PRKG1: variants seen among roughly 807,000 people sequenced by gnomAD.
The protein encoded by PRKG1 is cGMP-dependent protein kinase 1.
In PRKG1, 35 loss-of-function variants were observed where a neutral mutation model predicts 88.1. That is an observed-to-expected ratio of 0.40 (90% CI 0.30 to 0.53). The LOEUF (loss-of-function observed/expected upper bound fraction) is 0.53. PRKG1 is among the 20% of genes least tolerant of loss of function. The probability of loss-of-function intolerance (pLI) is 0.59; values close to 1 mark genes in which losing one functional copy is unlikely to be tolerated. For synonymous variants in PRKG1, 303 were observed against 292.5 expected (o/e 1.04, Z -0.37); for missense variants, 540 against 839.8 (o/e 0.64, Z 4.41).
chr10:51,102,287 T>C (rs2339673), intron 1 of PRKG1, among the ~76,000 whole-genome samples: 76,451 of 152,054 alleles, frequency 0.5, 20,558 homozygotes, highest in East Asian at 0.71. Flanking sequence ...TGTTTAACAA[T>C]CAGCATGACA....
At chr10:52,053,562 T>G (rs181381379) in intron 5 of PRKG1, among the ~76,000 whole-genome samples, 4 of 152,308 alleles carry the variant, frequency 2.6e-5, no homozygotes, top group African/African-American at 9.6e-5. Flanking sequence ...TAGGGCCAGA[T>G]GGCACAGTTC....
intron 1 of PRKG1, among the ~76,000 whole-genome samples, chr10:51,150,035 A>T (rs910597053): frequency 6.6e-6 from 1 of 152,138 alleles, no homozygotes; most frequent in Non-Finnish European, 1.5e-5. Context: ...TTTGGGCATG[A>T]AAGAAAAAGA....
intron 2 of PRKG1, among the ~76,000 whole-genome samples, chr10:51,203,805 C>T (rs1361261672): frequency 6.6e-6 from 1 of 152,176 alleles, no homozygotes; most frequent in East Asian, 1.9e-4. Context: ...TGTTAGTAGA[C>T]TTTACTCTTG....
At chr10:51,263,680 T>G (rs982538938) in intron 2 of PRKG1, among the ~76,000 whole-genome samples, 5 of 152,320 alleles carry the variant, frequency 3.3e-5, no homozygotes, top group Non-Finnish European at 7.4e-5. Context: ...TAAAGTAGAT[T>G]GGTGGTTATT....
chr10:51,581,554 G>T (rs538542933), intron 3 of PRKG1, among the ~76,000 whole-genome samples: 1 of 152,198 alleles, frequency 6.6e-6, no homozygotes, highest in South Asian at 2.1e-4. Flanking sequence ...CTGCTTTTCT[G>T]GGATAGGAAT....
At chr10:51,576,480 A>G (rs1837890255) in intron 3 of PRKG1, among the ~76,000 whole-genome samples, 1 of 151,954 alleles carries the variant, frequency 6.6e-6, no homozygotes, top group Non-Finnish European at 1.5e-5. Flanking sequence ...GTTATGTCCT[A>G]TTTCACAAAT....
intron 3 of PRKG1, among the ~76,000 whole-genome samples, chr10:51,703,186 C>A (rs1185513469): frequency 6.6e-6 from 1 of 152,070 alleles, no homozygotes; most frequent in Non-Finnish European, 1.5e-5. Context: ...AAATATCAAA[C>A]CTTACATCAG....
At chr10:51,282,168 A>G (rs1840318349) in intron 2 of PRKG1, among the ~76,000 whole-genome samples, 1 of 152,166 alleles carries the variant, frequency 6.6e-6, no homozygotes, top group Non-Finnish European at 1.5e-5. Context: ...AACAGGTAGG[A>G]TGTTCCTTAA....
At chr10:51,998,587 A>T (rs1218927629) in intron 5 of PRKG1, among the ~76,000 whole-genome samples, 1 of 152,162 alleles carries the variant, frequency 6.6e-6, no homozygotes, top group African/African-American at 2.4e-5. Context: ...TTGCAAACAG[A>T]TGTCTAATAT....
intron 3 of PRKG1, among the ~76,000 whole-genome samples, chr10:51,559,247 G>A (rs1564549688): frequency 1.3e-5 from 2 of 151,998 alleles, no homozygotes; most frequent in Admixed American, 1.3e-4. Flanking sequence ...CTTCATCAGG[G>A]AAAATGCCTT....
At chr10:52,070,894 A>G (rs529710792) in intron 7 of PRKG1, among the ~76,000 whole-genome samples, 1 of 152,318 alleles carries the variant, frequency 6.6e-6, no homozygotes, top group East Asian at 1.9e-4. Context: ...CTTGGGTTCA[A>G]ACCCCAGCTC....
At chr10:51,551,031 A>T (rs1837116862) in intron 3 of PRKG1, among the ~76,000 whole-genome samples, 1 of 151,960 alleles carries the variant, frequency 6.6e-6, no homozygotes, top group Middle Eastern at 3.2e-3. Flanking sequence ...TAGTACCATG[A>T]TATACAACTG....
At chr10:51,456,680 C>A (rs994763929) in intron 2 of PRKG1, among the ~76,000 whole-genome samples, 4 of 152,004 alleles carry the variant, frequency 2.6e-5, no homozygotes, top group African/African-American at 9.7e-5. Context: ...AAAATATTCA[C>A]AACCTATGCT....
At chr10:51,197,171 C>T (rs979879677) in intron 2 of PRKG1, among the ~76,000 whole-genome samples, 5 of 151,678 alleles carry the variant, frequency 3.3e-5, no homozygotes, top group African/African-American at 4.8e-5. Flanking sequence ...AAAATTGAGA[C>T]GTAGATGGAC....
chr10:51,346,812 T>C (rs1842123627), intron 2 of PRKG1, among the ~76,000 whole-genome samples: 1 of 152,224 alleles, frequency 6.6e-6, no homozygotes, highest in Admixed American at 6.5e-5. Context: ...GGAAGTATTA[T>C]AGAATACTAC....
At chr10:52,204,096 TA>T (rs1564514953) in intron 9 of PRKG1, among the ~76,000 whole-genome samples, 86 of 109,504 alleles carry the variant, frequency 7.9e-4, no homozygotes, top group African/African-American at 2.3e-3. Context: ...TTATTATTAT[TA>T]TTATTATTAT....
chr10:51,756,787 C>G (rs555023333), intron 3 of PRKG1, among the ~76,000 whole-genome samples: 5 of 151,522 alleles, frequency 3.3e-5, no homozygotes, highest in African/African-American at 1.2e-4. Flanking sequence ...TGCACTCCAG[C>G]CTGGGTGACA....
At chr10:51,942,212 G>A (rs1413547102) in intron 5 of PRKG1, among the ~76,000 whole-genome samples, 33 of 151,964 alleles carry the variant, frequency 2.2e-4, no homozygotes, top group Non-Finnish European at 4.7e-4. Context: ...GTGATGATGA[G>A]CATTTTTTCA....
At chr10:51,666,363 G>A (rs1337292415) in intron 3 of PRKG1, among the ~76,000 whole-genome samples, 1 of 152,192 alleles carries the variant, frequency 6.6e-6, no homozygotes, top group African/African-American at 2.4e-5. Context: ...CTTACATAAG[G>A]AGCAGATGAC....
Sources: gnomAD v4.1 joint callset for allele counts (sites outside exome capture counted in the v4.1 genomes callset) on GRCh38, gnomAD v4.1.1 for gene constraint, MANE v1.5 for transcripts, NCBI Gene and HGNC (gene_info 2026-07-23, HGNC 2026-07-21) for gene names.